The following HS6ST2 variants were observed in gnomAD, a reference collection of about 807,000 sequenced individuals.
HS6ST2 encodes heparan sulfate 6-O-sulfotransferase 2.
In HS6ST2, 17 loss-of-function variants were observed where a neutral mutation model predicts 33.0. The ratio of observed to expected loss-of-function variants is 0.52; its 90% confidence interval spans 0.35 to 0.77. The LOEUF (loss-of-function observed/expected upper bound fraction) is 0.77, where lower values mean the gene tolerates loss of function less well. Among genes scored for constraint, HS6ST2 ranks in the 30% least tolerant of loss-of-function variants. The probability of loss-of-function intolerance (pLI) is 0.01; values close to 1 mark genes in which losing one functional copy is unlikely to be tolerated. For synonymous variants in HS6ST2, 248 were observed against 237.1 expected, an observed-to-expected ratio of 1.05 and a Z score of -0.42; for missense variants, 519 against 551.7, an observed-to-expected ratio of 0.94 and a Z score of 0.59.
At chrX:132,880,422 G>C (rs2066154758) in intron 2 of HS6ST2, among the ~76,000 whole-genome samples, 1 of 108,364 alleles carries the variant, frequency 9.2e-6, no homozygotes, top group Non-Finnish European at 1.9e-5. Context: ...TGTAGTCCCA[G>C]CTACTTGGGA....
chrX:132,876,113 T>A (rs1172130172), intron 2 of HS6ST2, among the ~76,000 whole-genome samples: 1 of 111,939 alleles, frequency 8.9e-6, no homozygotes, highest in Non-Finnish European at 1.9e-5. Context: ...AATCAGGTGC[T>A]GTGACAAATA....
intron 4 of HS6ST2, among the ~76,000 whole-genome samples, chrX:132,637,899 T>A (rs1293622673): frequency 1.9e-5 from 1 of 52,294 alleles, no homozygotes; most frequent in Non-Finnish European, 2.8e-5. Context: ...ATTTTATATA[T>A]AATATTATAT....
At chrX:132,959,255 G>T (rs909476616), upstream of HS6ST2, among the ~76,000 whole-genome samples, 1 of 111,948 alleles carries the variant, frequency 8.9e-6, no homozygotes, top group Non-Finnish European at 1.9e-5. Context: ...TCCAGTGTCC[G>T]AAAGGCTCTT....
chrX:132,764,913 C>A (rs910846446), intron 2 of HS6ST2, among the ~76,000 whole-genome samples: 1 of 112,100 alleles, frequency 8.9e-6, no homozygotes, highest in Non-Finnish European at 1.9e-5. Flanking sequence ...AGAGAAGATC[C>A]AACACTTCCC....
intron 2 of HS6ST2, among the ~76,000 whole-genome samples, chrX:132,841,264 A>C (rs2065704532): frequency 9.0e-6 from 1 of 111,456 alleles, no homozygotes; most frequent in Non-Finnish European, 1.9e-5. Context: ...TTTTCCCCCC[A>C]AAATCAAGAA....
intron 2 of HS6ST2, among the ~76,000 whole-genome samples, chrX:132,750,345 A>ACG (rs2064691340): frequency 1.2e-5 from 1 of 80,107 alleles, no homozygotes; most frequent in Non-Finnish European, 2.4e-5. Flanking sequence ...GATGCCCATC[A>ACG]AGAAAAAAAA....
At chrX:132,910,027 A>G (rs1328843230) in intron 2 of HS6ST2, among the ~76,000 whole-genome samples, 2 of 111,289 alleles carry the variant, frequency 1.8e-5, no homozygotes, top group African/African-American at 6.5e-5. Context: ...TACATTCTTC[A>G]CTGGACAGAA....
At chrX:132,867,588 C>T (rs1280354329) in intron 2 of HS6ST2, among the ~76,000 whole-genome samples, 2 of 111,870 alleles carry the variant, frequency 1.8e-5, no homozygotes, top group Non-Finnish European at 3.8e-5. Flanking sequence ...TGGTAGAATT[C>T]GGCTGTGAAT....
intron 2 of HS6ST2, among the ~76,000 whole-genome samples, chrX:132,806,304 G>A (rs760492666): frequency 9.1e-5 from 10 of 109,996 alleles, no homozygotes; most frequent in African/African-American, 2.9e-4. Context: ...AGCTAAAACT[G>A]CCACAAAAGC....
At chrX:132,876,686 GC>G (rs776091692) in intron 2 of HS6ST2, among the ~76,000 whole-genome samples, 18 of 110,396 alleles carry the variant, frequency 1.6e-4, no homozygotes, top group African/African-American at 4.6e-4. Context: ...AGCTGAAGAG[GC>G]AGAAGAGTGA....
In HS6ST2 at chrX:132,637,924, AT is replaced by A. The variant is rs1470262469; in HGVS notation, c.1068-8832del. Among the ~76,000 whole-genome samples, 5 of 60,499 alleles carry A rather than the reference AT, an allele frequency of 8.3e-5. 1 individual carries two copies. The highest frequency in any genetic ancestry group is 1.4e-4 in the Non-Finnish European group (5 of 35,218). 52.5% of individuals were successfully genotyped at this position (60,499 alleles called of 115,157 possible). A position where few individuals can be genotyped will look rare whatever the true frequency, so the allele number is the denominator to read the frequency against. ...TAATATTATATATAATATTTTATAT[AT>A]ATATTATATATAATATTTTATATAT... On this transcript the variant is annotated intron_variant, in intron 4 of 4. Coordinates refer to ENST00000370833, the MANE Select transcript of HS6ST2 (RefSeq NM_001394073.1).
chrX:132,766,093 T>C (rs947276982), intron 2 of HS6ST2, among the ~76,000 whole-genome samples: 7 of 111,743 alleles, frequency 6.3e-5, no homozygotes, highest in African/African-American at 2.3e-4. Context: ...AATCCTGTTA[T>C]ATGGGGCACA....
At position 132,782,576 on chromosome X, in the gene HS6ST2, G is replaced by T. The variant is rs545317524; in HGVS notation, c.948-74082C>A. ...GATCCTGCAAAGGGGGTTGAATGGGGTGGTGGTTAGGAGAAATGCTGGATT... is the reference window on the plus strand; with the variant it reads ...GATCCTGCAAAGGGGGTTGAATGGGTTGGTGGTTAGGAGAAATGCTGGATT... On this transcript the variant is annotated intron_variant, in intron 2 of 4. Coordinates refer to ENST00000370833, the MANE Select transcript of HS6ST2 (RefSeq NM_001394073.1). Among the ~76,000 whole-genome samples the T allele has an allele frequency of 1.1e-4, 12 of 111,799 alleles. No individual in the cohort carries two copies. The South Asian group carries it at 3.4e-3, about 32-fold the overall frequency.
chrX:132,829,801 G>A (rs2065570651), intron 2 of HS6ST2, among the ~76,000 whole-genome samples: 1 of 111,795 alleles, frequency 8.9e-6, no homozygotes, highest in Non-Finnish European at 1.9e-5. Context: ...GCCCGTGTGT[G>A]ACTAGGTTAT....
chrX:132,958,642 C>A (rs2148511765), upstream of HS6ST2: 5 of 1,087,217 alleles, frequency 4.6e-6, no homozygotes, highest in Non-Finnish European at 6.1e-6. Context: ...GGATCACGAG[C>A]GAGCTTGAAT....
rs774177926 is a variant in HS6ST2 at position 132,823,853 on chromosome X, A to AAAAAATAAT, written c.948-115360_948-115359insATTATTTTT. ...CTGGGCAAGAGTGAGACTTCATAAA[A>AAAAAATAAT]AATAATAATAATAATAATAATAATA... On this transcript the variant is annotated intron_variant, in intron 2 of 4. Transcript: ENST00000370833. Among the ~76,000 whole-genome samples, 827 of 92,510 alleles carry AAAAAATAAT rather than the reference A, an allele frequency of 8.9e-3. 18 individuals are homozygous for AAAAAATAAT. Among genetic ancestry groups the AAAAAATAAT allele is most frequent in the African/African-American group, 0.031 (764 of 24,808 alleles). 80.3% of individuals were successfully genotyped at this position (92,510 alleles called of 115,157 possible). A position where few individuals can be genotyped will look rare whatever the true frequency, so the allele number is the denominator to read the frequency against.
At chrX:132,949,029 T>A (rs2066983641) in intron 2 of HS6ST2, among the ~76,000 whole-genome samples, 1 of 111,692 alleles carries the variant, frequency 9.0e-6, no homozygotes, top group African/African-American at 3.3e-5. Context: ...ACATTTCTAA[T>A]CAACTTTATT....
chrX:132,795,179 C>G (rs923641510), intron 2 of HS6ST2, among the ~76,000 whole-genome samples: 2 of 111,674 alleles, frequency 1.8e-5, no homozygotes, highest in Admixed American at 9.5e-5. Context: ...GTCTTTCCCC[C>G]ATCACCTACC....
chrX:132,958,395 T>C lies in HS6ST2; in HGVS notation c.208A>G (p.Lys70Glu), dbSNP rs772773095. ...AGGGAAGAAGACGCCTTTCGGGGCT[T>C]GTCCAGGAGCGGCCGGGTGTGGAAT... is the stretch of plus-strand genomic sequence containing the variant. ...HGFHTRPLLD[K>E]PRKASSSLAG... The change falls in exon 1 of 5, where the codon AAG becomes GAG. Residue 70 changes from lysine to glutamate, a missense_variant. By Grantham distance (56) the Lys-to-Glu change is moderately conservative. Transcript: ENST00000370833. 5 of 1,197,587 alleles carry C rather than the reference T, an allele frequency of 4.2e-6. No homozygotes were observed. The highest frequency in any genetic ancestry group is 4.5e-6 in the Non-Finnish European group (4 of 891,344).
Sources: allele counts gnomAD v4.1 joint callset (sites outside exome capture counted in the v4.1 genomes callset), GRCh38; gene constraint gnomAD v4.1.1; transcripts MANE v1.5; gene names NCBI Gene and HGNC (gene_info 2026-07-23, HGNC 2026-07-21).